Variants in NTNG1 observed in about 807,000 individuals in gnomAD.
NTNG1 encodes the protein netrin-G1.
A neutral mutation model predicts 54.0 loss-of-function variants in NTNG1; 16 were observed. The ratio of observed to expected loss-of-function variants is 0.30; its 90% CI spans 0.20 to 0.45. NTNG1 has a LOEUF of 0.45. Among genes scored for constraint, NTNG1 ranks in the 20% least tolerant of loss-of-function variants. The pLI, the probability that NTNG1 is intolerant of heterozygous loss-of-function variation, is 1.00. For synonymous variants in NTNG1, 255 were observed against 263.1 expected, an observed-to-expected ratio of 0.97 and a Z score of 0.30; for missense variants, 530 against 678.7, an observed-to-expected ratio of 0.78 and a Z score of 2.43.
intron 2 of NTNG1, among the ~76,000 whole-genome samples, chr1:107,244,478 T>C (rs1196773799): frequency 6.6e-6 from 1 of 152,240 alleles, no homozygotes; most frequent in African/African-American, 2.4e-5. Context: ...GTCTTAGAAA[T>C]AATAGGCCCC....
chr1:107,303,993 T>C (rs991691606), intron 2 of NTNG1, among the ~76,000 whole-genome samples: 16 of 151,130 alleles, frequency 1.1e-4, no homozygotes, highest in South Asian at 4.2e-4. Context: ...CTCTAATGAG[T>C]GTTTTGAACC....
intron 2 of NTNG1, among the ~76,000 whole-genome samples, chr1:107,237,966 G>C (rs990173964): frequency 6.6e-5 from 10 of 152,248 alleles, no homozygotes; most frequent in African/African-American, 2.4e-4. Flanking sequence ...CCACCTAGTG[G>C]AGCTGTGAGA....
chr1:107,246,210 C>A (rs1392938698), intron 2 of NTNG1, among the ~76,000 whole-genome samples: 1 of 152,088 alleles, frequency 6.6e-6, no homozygotes, highest in Non-Finnish European at 1.5e-5. Context: ...TGCCACCACG[C>A]CTGGCTAATT....
At chr1:107,387,704 C>A (rs1385721616) in intron 3 of NTNG1, among the ~76,000 whole-genome samples, 3 of 152,226 alleles carry the variant, frequency 2.0e-5, no homozygotes, top group Non-Finnish European at 4.4e-5. Flanking sequence ...CACTTACCAG[C>A]AGTGTGTTTC....
intron 3 of NTNG1, among the ~76,000 whole-genome samples, chr1:107,386,422 C>T (rs1334998192): frequency 6.6e-6 from 1 of 151,988 alleles, no homozygotes; most frequent in African/African-American, 2.4e-5. Flanking sequence ...GATCTGCCTG[C>T]CTCGGCCTCC....
intron 3 of NTNG1, among the ~76,000 whole-genome samples, chr1:107,359,713 C>T (rs1313603680): frequency 1.3e-5 from 2 of 152,010 alleles, no homozygotes; most frequent in Non-Finnish European, 2.9e-5. Flanking sequence ...TTTACATTTG[C>T]ATTCACTGTT....
intron 2 of NTNG1, among the ~76,000 whole-genome samples, chr1:107,295,075 C>T (rs1665861801): frequency 6.6e-6 from 1 of 152,148 alleles, no homozygotes; most frequent in Non-Finnish European, 1.5e-5. Context: ...GGATTTTACA[C>T]TGTGTTCAGT....
intron 2 of NTNG1, among the ~76,000 whole-genome samples, chr1:107,197,404 CTG>C (rs1234579357): frequency 3.3e-5 from 5 of 151,982 alleles, no homozygotes; most frequent in Non-Finnish European, 5.9e-5. Context: ...TCTTTAGAAA[CTG>C]TGTGGCAGAT....
chr1:107,398,854 C>T (rs1296251859), intron 4 of NTNG1, among the ~76,000 whole-genome samples: 2 of 152,064 alleles, frequency 1.3e-5, no homozygotes, highest in Admixed American at 1.3e-4. Context: ...GCAATTCTGT[C>T]CAACTTCATG....
intron 7 of NTNG1, among the ~76,000 whole-genome samples, chr1:107,439,623 C>T (rs953304983): frequency 6.6e-6 from 1 of 152,094 alleles, no homozygotes; most frequent in African/African-American, 2.4e-5. Flanking sequence ...ACTCTGAAAT[C>T]TTTGTTCCTT....
rs187379339 is a variant in NTNG1, at chr1:107,252,840, A to C, written c.247-71442A>C. On this transcript the variant is annotated intron_variant, in intron 2 of 7. Coordinates refer to ENST00000370068, the MANE Select transcript of NTNG1 (RefSeq NM_001113226.3). ...CAAAGCTATAGCTTTATCTGATTCA[A>C]AGATAATAACTTAGAATATCCCTCC... 8.5e-5 allele frequency among the ~76,000 whole-genome samples: 13 copies of C among 152,310 alleles called. No homozygotes were observed. In the East Asian group the frequency reaches 2.5e-3, roughly 29 times the overall value.
chr1:107,250,296 G>A (rs965871151), intron 2 of NTNG1, among the ~76,000 whole-genome samples: 4 of 152,188 alleles, frequency 2.6e-5, no homozygotes, highest in Admixed American at 6.5e-5. Context: ...AATTCAGGAT[G>A]GTGGTTACTG....
chr1:107,297,226 TATATATATATATATATATATGC>T, intron 2 of NTNG1, among the ~76,000 whole-genome samples: 1 of 35,580 alleles, frequency 2.8e-5, no homozygotes, highest in Non-Finnish European at 6.6e-5. Context: ...CATATATATA[TATATATATATATATATATATGC>T]GCACACACAC....
chr1:107,385,819 C>A (rs1009400668), intron 3 of NTNG1, among the ~76,000 whole-genome samples: 1 of 151,030 alleles, frequency 6.6e-6, no homozygotes, highest in Non-Finnish European at 1.5e-5. Flanking sequence ...GGATAAATGC[C>A]ATACTTTTAA....
chr1:107,403,171 C>T (rs1422536620), intron 4 of NTNG1, among the ~76,000 whole-genome samples: 1 of 152,084 alleles, frequency 6.6e-6, no homozygotes, highest in Non-Finnish European at 1.5e-5. Flanking sequence ...ACTAGGTTCT[C>T]ACCCCCCTAA....
intron 6 of NTNG1, among the ~76,000 whole-genome samples, chr1:107,434,103 A>C (rs1464590921): frequency 6.6e-6 from 1 of 152,208 alleles, no homozygotes; most frequent in African/African-American, 2.4e-5. Flanking sequence ...TCTAAGTCTC[A>C]TCTACATTAA....
chr1:107,245,070 G>A (rs1040492844), intron 2 of NTNG1, among the ~76,000 whole-genome samples: 4 of 152,124 alleles, frequency 2.6e-5, no homozygotes, highest in South Asian at 4.1e-4. Flanking sequence ...ATCAAAAAAA[G>A]ACCCATAAGT....
chr1:107,381,682 G>A (rs778328863), intron 3 of NTNG1, among the ~76,000 whole-genome samples: 10 of 152,200 alleles, frequency 6.6e-5, no homozygotes, highest in Non-Finnish European at 1.2e-4. Flanking sequence ...TGGGTTGCAA[G>A]TGTTAGAAAA....
At chr1:107,439,676 T>C (rs1483008330) in intron 7 of NTNG1, among the ~76,000 whole-genome samples, 10 of 152,176 alleles carry the variant, frequency 6.6e-5, no homozygotes, top group African/African-American at 2.4e-4. Context: ...TATGTTAAAA[T>C]ATAGAAATTC....
Sources: allele counts gnomAD v4.1 joint callset (sites outside exome capture counted in the v4.1 genomes callset), GRCh38; gene constraint gnomAD v4.1.1; transcripts MANE v1.5; gene names NCBI Gene and HGNC (gene_info 2026-07-23, HGNC 2026-07-21).